PLG: variants seen among roughly 807,000 people sequenced by gnomAD.
PLG encodes the protein plasmin.
In PLG, 41 loss-of-function variants were observed where a neutral mutation model predicts 104.4. That is an observed-to-expected ratio of 0.39 (90% CI 0.31 to 0.51). The LOEUF (loss-of-function observed/expected upper bound fraction) is 0.51. Ranked by LOEUF, PLG falls within the 20% of genes least tolerant of loss-of-function variation. PLG has a pLI of 0.76. For synonymous variants in PLG, 337 were observed against 357.1 expected, an observed-to-expected ratio of 0.94 and a Z score of 0.63; for missense variants, 891 against 1,003.6, an observed-to-expected ratio of 0.89 and a Z score of 1.52.
chr6:160,743,499 A>G (rs1314077444), intron 17 of PLG, among the ~76,000 whole-genome samples: 1 of 152,162 alleles, frequency 6.6e-6, no homozygotes, highest in Non-Finnish European at 1.5e-5. Context: ...TGATTTTTGT[A>G]CATTGATTTT....
At chr6:160,709,725 AGT>A (rs879296959) in intron 3 of PLG, among the ~76,000 whole-genome samples, 148 of 152,258 alleles carry the variant, frequency 9.7e-4, no homozygotes, top group Non-Finnish European at 1.7e-3. Context: ...ACTTTTGATG[AGT>A]GTCTTATGTC....
At chr6:160,710,971 C>G (rs1243703136) in intron 3 of PLG, 106 bp from the exon 4 acceptor site, 6 of 971,452 alleles carry the variant, frequency 6.2e-6, no homozygotes, top group African/African-American at 3.2e-5. Flanking sequence ...AAAGCAGAAA[C>G]AGGGGGTCTG....
chr6:160,723,261 G>T lies in PLG; in HGVS notation c.1256+694G>T, dbSNP rs758897874. On this transcript the variant is annotated intron_variant, in intron 10 of 18. Transcript: ENST00000308192. The surrounding 1 kb of genome is among the most constrained non-coding windows in gnomAD (Gnocchi z 4.7). Reference sequence around the variant, plus strand: ...AGGATATGGGTTGCTGGGACATGAAGAACAAAAGCAGGATACGCAGATGCT... The same window carrying T: ...AGGATATGGGTTGCTGGGACATGAATAACAAAAGCAGGATACGCAGATGCT... 3.9e-5 allele frequency among the ~76,000 whole-genome samples: 6 copies of T among 152,014 alleles called. No individual in the cohort carries two copies. The highest frequency in any genetic ancestry group is 7.4e-5 in the Non-Finnish European group (5 of 68,024).
chr6:160,720,410 C>CTTTTTTTTT lies in PLG; in HGVS notation c.1096+1591_1096+1599dup, dbSNP rs3057066. Among the ~76,000 whole-genome samples the CTTTTTTTTT allele has an allele frequency of 1.9e-3, 114 of 58,532 alleles. 21 individuals are homozygous for CTTTTTTTTT. The highest frequency in any genetic ancestry group is 3.4e-3 in the African/African-American group (44 of 12,930). The allele number at this position is 58,532 out of a possible 152,430, so 38.4% of individuals were successfully genotyped here. A position where few individuals can be genotyped will look rare whatever the true frequency, so the allele number is the denominator to read the frequency against. On this transcript the variant is annotated intron_variant, in intron 9 of 18. Coordinates refer to ENST00000308192, the MANE Select transcript of PLG (RefSeq NM_000301.5). ...TCTTTTCTCTTTTTTCTTTTCTTTT[C>CTTTTTTTTT]TTTTTTTTTTTTTTTTTTTTTTTTT... is the stretch of plus-strand genomic sequence containing the variant.
rs532974511 is a variant in PLG, at chr6:160,740,343, G to A, written c.2019-968G>A. ...GCAAATGTGCAAATAGAAGGTCCCC[G>A]TTCCTCATGATCCTCAGAGAGCTGG... On this transcript the variant is annotated intron_variant, in intron 16 of 18. Coordinates refer to ENST00000308192, the MANE Select transcript of PLG (RefSeq NM_000301.5). This position sits in a 1 kb window ranked among gnomAD's most constrained non-coding sequence, Gnocchi z 5.2. Among the ~76,000 whole-genome samples the A allele has an allele frequency of 2.1e-4, 32 of 152,308 alleles. No homozygotes were observed. Among genetic ancestry groups the A allele is most frequent in the South Asian group, 1.2e-3 (6 of 4,828 alleles).
chr6:160,752,348 T>C lies in PLG; in HGVS notation c.2271+88T>C. 1 of 1,228,664 alleles carries C rather than the reference T, an allele frequency of 8.1e-7. No homozygotes were observed. The highest frequency in any genetic ancestry group is 1.7e-5 in the Admixed American group (1 of 59,156). The allele number at this position is 1,228,664 out of a possible 1,614,324, so 76.1% of individuals were successfully genotyped here. On this transcript the variant is annotated intron_variant, in intron 18 of 18. Coordinates refer to ENST00000308192, the MANE Select transcript of PLG (RefSeq NM_000301.5). The surrounding 1 kb of genome is among the most constrained non-coding windows in gnomAD (Gnocchi z 4.7). ...AGACTTCATTCCCCAGGTGGCAAAT[T>C]CAAGGATTTTCAACCGAAGACCCCA...
rs1410357994 is a variant in PLG, at chr6:160,726,658, G to A, written c.1256+4091G>A. Among the ~76,000 whole-genome samples, 1 of 151,812 alleles carries A rather than the reference G, an allele frequency of 6.6e-6. No homozygotes were observed. The highest frequency in any genetic ancestry group is 2.4e-5 in the African/African-American group (1 of 41,398). On this transcript the variant is annotated intron_variant, in intron 10 of 18. Coordinates refer to ENST00000308192, the MANE Select transcript of PLG (RefSeq NM_000301.5). This position sits in a 1 kb window ranked among gnomAD's most constrained non-coding sequence, Gnocchi z 4.4. ...AAGTGTACAGTGGAGTTTTCCAGAG[G>A]CTACATAATGTTTGATCACATTATC... is the stretch of plus-strand genomic sequence containing the variant.
chr6:160,703,009 G>A (rs1777448919), intron 1 of PLG, among the ~76,000 whole-genome samples: 1 of 152,160 alleles, frequency 6.6e-6, no homozygotes, highest in African/African-American at 2.4e-5. Context: ...GAGTGTGAGT[G>A]TGTATCCTTT....
In PLG at chr6:160,721,415, G is replaced by T. The variant is rs143560468; in HGVS notation, c.1097-993G>T. ...GATAATTGAGTCAATGTAGTCACTA[G>T]TTTAACTGAATTGGGATTTGTGATT... is the stretch of plus-strand genomic sequence containing the variant. On this transcript the variant is annotated intron_variant, in intron 9 of 18. Transcript: ENST00000308192. Among the ~76,000 whole-genome samples the T allele has an allele frequency of 1.1e-3, 174 of 152,302 alleles. 3 individuals carry two copies. Among genetic ancestry groups the T allele is most frequent in the African/African-American group, 3.9e-3 (161 of 41,574 alleles).
chr6:160,703,614 T>C (rs1777465717), intron 1 of PLG, among the ~76,000 whole-genome samples: 1 of 152,164 alleles, frequency 6.6e-6, no homozygotes. Flanking sequence ...CACTTTAGAG[T>C]CAAATACATT....
intron 10 of PLG, 71 bp downstream of exon 10, chr6:160,722,638 A>G (rs1475696536): frequency 3.5e-6 from 5 of 1,431,250 alleles, no homozygotes; most frequent in Non-Finnish European, 4.9e-6. Flanking sequence ...GCCATGCTTC[A>G]TGCTTCAAGC....
rs3057066 is a variant in PLG, at chr6:160,720,410, C to CTTTTTTTTTTTTTTTTTTTTTTTT, written c.1096+1576_1096+1599dup. Among the ~76,000 whole-genome samples the CTTTTTTTTTTTTTTTTTTTTTTTT allele has an allele frequency of 2.6e-4, 15 of 58,522 alleles. 2 individuals carry two copies. Among genetic ancestry groups the CTTTTTTTTTTTTTTTTTTTTTTTT allele is most frequent in the African/African-American group, 5.4e-4 (7 of 12,914 alleles). The allele number at this position is 58,522 out of a possible 152,430, so 38.4% of individuals were successfully genotyped here. ...TCTTTTCTCTTTTTTCTTTTCTTTT[C>CTTTTTTTTTTTTTTTTTTTTTTTT]TTTTTTTTTTTTTTTTTTTTTTTTT... On this transcript the variant is annotated intron_variant, in intron 9 of 18. Transcript: ENST00000308192.
At position 160,711,156 on chromosome 6, in the gene PLG, T is replaced by C; in HGVS notation, c.372T>C (p.Cys124=). 1.2e-6 allele frequency: 2 copies of C among 1,612,746 alleles called. No homozygotes were observed. The highest frequency in any genetic ancestry group is 1.1e-5 in the South Asian group (1 of 91,052). ...TMSKTKNGIT[C]QKWSSTSPHR... ...CCAAAACAAAAAATGGCATCACCTG[T>C]CAAAAATGGAGTTCCACTTCTCCCC... The change falls in exon 4 of 19, where the codon TGT becomes TGC. Residue 124 remains cysteine (C), a synonymous_variant. Coordinates refer to ENST00000308192, the MANE Select transcript of PLG (RefSeq NM_000301.5).
Position 160,714,646 on chromosome 6 carries a change from TTTTATTGC to T in PLG, c.548-147_548-140del. 19 of 412,926 alleles carry T rather than the reference TTTTATTGC, an allele frequency of 4.6e-5. 1 individual carries two copies. Among genetic ancestry groups the T allele is most frequent in the Non-Finnish European group, 7.3e-5 (15 of 204,552 alleles). The allele number at this position is 412,926 out of a possible 1,614,324, so 25.6% of individuals were successfully genotyped here. A position where few individuals can be genotyped will look rare whatever the true frequency, so the allele number is the denominator to read the frequency against. ...GAAAATCCTGAGTCCTTATTGCCAA[TTTTATTGC>T]CAAGTGCCTGTTGTGAATTACATCG... On this transcript the variant is annotated intron_variant, in intron 5 of 18. Transcript: ENST00000308192.
intron 2 of PLG, among the ~76,000 whole-genome samples, chr6:160,707,227 A>G (rs980228405): frequency 6.6e-6 from 1 of 152,016 alleles, no homozygotes; most frequent in African/African-American, 2.4e-5. Context: ...GAAGGTAGCT[A>G]TGGAATCCAG....
Position 160,706,191 on chromosome 6 carries a change from C to T in PLG, c.50-216C>T, listed in dbSNP as rs553961618. The T allele has an allele frequency of 2.6e-5, 16 of 615,754 alleles. No individual in the cohort carries two copies. In the South Asian group the frequency reaches 3.1e-4, roughly 12 times the overall value. 38.1% of individuals were successfully genotyped at this position (615,754 alleles called of 1,614,324 possible). A position where few individuals can be genotyped will look rare whatever the true frequency, so the allele number is the denominator to read the frequency against. On this transcript the variant is annotated intron_variant, in intron 1 of 18. Coordinates refer to ENST00000308192, the MANE Select transcript of PLG (RefSeq NM_000301.5). ...CTCCCTCTCTCCCTTCTCTGGTAGT[C>T]CCCAGTGTCTTTAGTTGCCATCTTT...
rs754506581 is a variant in PLG, at chr6:160,718,445, C to T, written c.939C>T (p.Asn313=). Residue 313 remains asparagine, a synonymous_variant, in exon 8 of 19, where the codon AAC becomes AAT. Coordinates refer to ENST00000308192, the MANE Select transcript of PLG (RefSeq NM_000301.5). ...ACACACATAACAGGACACCAGAAAA[C>T]TTCCCCTGCAAGTAAGTCCCCTCCG... ...TPHTHNRTPE[N]FPCKNLDENY... 4 of 1,612,862 alleles carry T rather than the reference C, an allele frequency of 2.5e-6. No homozygotes were observed. Among genetic ancestry groups the T allele is most frequent in the East Asian group, 2.2e-5 (1 of 44,886 alleles).
rs1778245089 is a variant in PLG at position 160,744,335 on chromosome 6, G to C, written c.2125+2918G>C. Among the ~76,000 whole-genome samples the C allele has an allele frequency of 6.6e-6, 1 of 152,154 alleles. No homozygotes were observed. The highest frequency in any genetic ancestry group is 1.5e-5 in the Non-Finnish European group (1 of 68,000). On this transcript the variant is annotated intron_variant, in intron 17 of 18. Transcript: ENST00000308192. This position sits in a 1 kb window ranked among gnomAD's most constrained non-coding sequence, Gnocchi z 4.5. The stretch of plus-strand genomic sequence containing the variant: ...GCTATTTATTACTGATTCAATTTTG[G>C]AGCTCATTATTGTTCTGTTCAGGGA...
intron 1 of PLG, among the ~76,000 whole-genome samples, chr6:160,702,594 A>G (rs561709533): frequency 5.3e-5 from 8 of 152,334 alleles, no homozygotes; most frequent in Non-Finnish European, 8.8e-5. Flanking sequence ...AATCTAAATG[A>G]GTGCACCCAC....
Sources: gnomAD v4.1 joint callset for allele counts (sites outside exome capture counted in the v4.1 genomes callset) on GRCh38, gnomAD v4.1.1 for gene constraint, Gnocchi (gnomAD v3.1) non-coding constraint, MANE v1.5 for transcripts, NCBI Gene and HGNC (gene_info 2026-07-23, HGNC 2026-07-21) for gene names.